The following ELAPOR1 variants were observed in gnomAD, a reference collection of about 807,000 sequenced individuals.
The protein encoded by ELAPOR1 is endosome-lysosome associated apoptosis and autophagy regulator 1, also known as endosome/lysosome-associated apoptosis and autophagy regulator 1.
A neutral mutation model predicts 119.7 loss-of-function variants in ELAPOR1; 77 were observed. That is an observed-to-expected ratio of 0.64 (90% CI 0.54 to 0.78). ELAPOR1 has a LOEUF of 0.78. Ranked by LOEUF, ELAPOR1 falls within the 30% of genes least tolerant of loss-of-function variation. The probability of loss-of-function intolerance (pLI) is 0.00; values close to 1 mark genes in which losing one functional copy is unlikely to be tolerated. For missense variants in ELAPOR1, 1,115 were observed against 1,270.4 expected, an observed-to-expected ratio of 0.88 and a Z score of 1.86; for synonymous variants, 481 against 487.2, an observed-to-expected ratio of 0.99 and a Z score of 0.17.
chr1:109,184,985 G>C, intron 7 of ELAPOR1, 60 bp from the exon 8 acceptor site: 1 of 1,338,262 alleles, frequency 7.5e-7, no homozygotes, highest in East Asian at 2.3e-5. Context: ...GCCATGAAGA[G>C]GCCAGGAGCT....
intron 1 of ELAPOR1, among the ~76,000 whole-genome samples, chr1:109,115,001 T>G (rs564340332): frequency 1.3e-5 from 2 of 152,364 alleles, no homozygotes; most frequent in South Asian, 4.1e-4. Context: ...CAATATCTTG[T>G]GTTCTGCCAA....
In ELAPOR1 at chr1:109,188,286, C is replaced by T; in HGVS notation, c.1151C>T (p.Pro384Leu). The stretch of plus-strand genomic sequence containing the variant: ...AAGACCCACTGCCCACCCTGCAACC[C>T]AGGCTTCTTCAAAACCAACAACAGC... Reference protein sequence around the residue: ...GVKTHCPPCNPGFFKTNNSTC... With the variant: ...GVKTHCPPCNLGFFKTNNSTC... The change falls in exon 9 of 22, where the codon CCA (proline) becomes CTA (leucine). Residue 384 changes from proline to leucine, a missense_variant. Coordinates refer to ENST00000369939, the MANE Select transcript of ELAPOR1 (RefSeq NM_020775.5). The T allele has an allele frequency of 6.2e-7, 1 of 1,614,196 alleles. No individual in the cohort carries two copies. The highest frequency in any genetic ancestry group is 8.5e-7 in the Non-Finnish European group (1 of 1,180,024).
chr1:109,182,281 G>A (rs1301109397), intron 7 of ELAPOR1, among the ~76,000 whole-genome samples: 1 of 152,010 alleles, frequency 6.6e-6, no homozygotes, highest in Non-Finnish European at 1.5e-5. Context: ...AGTGAGCTGA[G>A]GTGGCACCAC....
intron 18 of ELAPOR1, 26 bp from the exon 19 acceptor site, chr1:109,199,825 GAGC>G (rs1654051033): frequency 1.2e-6 from 2 of 1,605,538 alleles, no homozygotes; most frequent in Non-Finnish European, 1.7e-6. Flanking sequence ...CAGCGAGTGA[GAGC>G]TCAGGTCTCT....
intron 3 of ELAPOR1, among the ~76,000 whole-genome samples, chr1:109,167,954 A>G (rs1336200818): frequency 1.3e-5 from 2 of 152,056 alleles, no homozygotes; most frequent in African/African-American, 4.8e-5. Context: ...TCAAAACCCT[A>G]GATTCAATGG....
chr1:109,174,327 C>T (rs1307179383), intron 7 of ELAPOR1, among the ~76,000 whole-genome samples: 1 of 132,504 alleles, frequency 7.5e-6, no homozygotes. Context: ...CCGGGAAGAT[C>T]AATTGGGCCT....
chr1:109,161,948 G>A lies in ELAPOR1; in HGVS notation c.208G>A (p.Val70Ile). Residue 70 changes from valine (V) to isoleucine (I), a missense_variant, in exon 2 of 22, where the codon GTC becomes ATC. Physicochemically the swap from Val to Ile is conservative, Grantham distance 29. Transcript: ENST00000369939. ...ACDSTGSRWR[V>I]AVPHTPGLCT... ...TGACAGCACGGGTTCCAGGTGGAGGGTCGCCGTGCCGCATACCCCGGGCCT... is the reference window on the plus strand; with the variant it reads ...TGACAGCACGGGTTCCAGGTGGAGGATCGCCGTGCCGCATACCCCGGGCCT... 1.2e-6 allele frequency: 2 copies of A among 1,614,072 alleles called. No individual in the cohort carries two copies. Among genetic ancestry groups the A allele is most frequent in the East Asian group, 2.2e-5 (1 of 44,878 alleles).
intron 7 of ELAPOR1, among the ~76,000 whole-genome samples, chr1:109,180,741 G>A (rs930514654): frequency 1.3e-5 from 2 of 152,180 alleles, no homozygotes; most frequent in Non-Finnish European, 2.9e-5. Flanking sequence ...GAGGCAGGAG[G>A]AGTGCTTGAG....
At chr1:109,190,252 C>T (rs1010161914) in intron 11 of ELAPOR1, among the ~76,000 whole-genome samples, 2 of 152,220 alleles carry the variant, frequency 1.3e-5, no homozygotes, top group Admixed American at 6.5e-5. Flanking sequence ...TAGGAAAAGT[C>T]ACTTCACCTG....
intron 1 of ELAPOR1, among the ~76,000 whole-genome samples, chr1:109,156,617 ATTT>A (rs1204003572): frequency 2.0e-5 from 3 of 152,080 alleles, no homozygotes; most frequent in Non-Finnish European, 2.9e-5. Context: ...ACTTGGCATG[ATTT>A]TTATGTTTTT....
At chr1:109,182,333 AAATAAT>A (rs59332839) in intron 7 of ELAPOR1, among the ~76,000 whole-genome samples, 41,320 of 149,552 alleles carry the variant, frequency 0.28, 6,134 homozygotes, top group East Asian at 0.51. Context: ...CTGTCTCAAA[AAATAAT>A]AATAATAATA....
chr1:109,167,679 G>A (rs981237461), intron 3 of ELAPOR1, among the ~76,000 whole-genome samples: 7 of 152,054 alleles, frequency 4.6e-5, no homozygotes, highest in African/African-American at 1.7e-4. Flanking sequence ...CGCAATCACA[G>A]CTCACTGCAG....
intron 1 of ELAPOR1, among the ~76,000 whole-genome samples, chr1:109,120,055 G>A (rs1446492418): frequency 6.6e-6 from 1 of 152,088 alleles, no homozygotes; most frequent in East Asian, 1.9e-4. Flanking sequence ...ATTAAGAGGT[G>A]GGGCCTTTGG....
intron 8 of ELAPOR1, chr1:109,187,569 G>A (rs979121904): frequency 1.5e-5 from 15 of 1,001,898 alleles, no homozygotes; most frequent in Admixed American, 6.1e-5. Context: ...GAAGAATGGA[G>A]CTGCCCACCT....
intron 1 of ELAPOR1, among the ~76,000 whole-genome samples, chr1:109,141,445 T>A (rs1649822363): frequency 6.6e-6 from 1 of 150,616 alleles, no homozygotes; most frequent in Admixed American, 6.6e-5. Context: ...GTATTTTTAG[T>A]AGAGACAGGG....
chr1:109,145,816 A>G (rs1390209284), intron 1 of ELAPOR1, among the ~76,000 whole-genome samples: 1 of 152,210 alleles, frequency 6.6e-6, no homozygotes, highest in East Asian at 1.9e-4. Flanking sequence ...GACTACAGAC[A>G]TGTGCCACCA....
At chr1:109,167,161 A>G (rs545181644) in intron 3 of ELAPOR1, among the ~76,000 whole-genome samples, 112 of 152,328 alleles carry the variant, frequency 7.4e-4, no homozygotes, top group Non-Finnish European at 1.1e-3. Flanking sequence ...TAGGCCCTGG[A>G]CAAGGTGCAG....
intron 2 of ELAPOR1, among the ~76,000 whole-genome samples, chr1:109,162,508 TGC>T (rs1307422622): frequency 6.6e-6 from 1 of 152,178 alleles, no homozygotes; most frequent in East Asian, 1.9e-4. Context: ...GGTCTGATTG[TGC>T]AATAGGAAAG....
At chr1:109,200,977 C>A in intron 21 of ELAPOR1, 77 bp downstream of exon 21, 2 of 1,429,342 alleles carry the variant, frequency 1.4e-6, no homozygotes, top group Non-Finnish European at 9.5e-7. Context: ...CTGAATGGTC[C>A]TGTACCGTTC....
Sources: allele counts gnomAD v4.1 joint callset (sites outside exome capture counted in the v4.1 genomes callset), GRCh38; gene constraint gnomAD v4.1.1; transcripts MANE v1.5; gene names NCBI Gene and HGNC (gene_info 2026-07-23, HGNC 2026-07-21).